The following WFDC9 variants were observed in gnomAD, a reference collection of about 807,000 sequenced individuals.
WFDC9 encodes the protein WAP four-disulfide core domain 9, also known as protein WFDC9.
In WFDC9, 9 loss-of-function variants were observed where a neutral mutation model predicts 9.5. The ratio of observed to expected loss-of-function variants is 0.95; its 90% CI spans 0.57 to 1.65. The LOEUF (loss-of-function observed/expected upper bound fraction) is 1.65. Among genes scored for constraint, WFDC9 ranks in the 40% most tolerant of loss-of-function variants. The pLI is 0.00. For synonymous variants in WFDC9, 33 were observed against 32.3 expected (o/e 1.02, Z -0.07); for missense variants, 87 against 106.7 (o/e 0.82, Z 0.81).
chr20:45,608,885 C>T (rs1385259175), intron 3 of WFDC9, 75 bp from the exon 4 acceptor site: 2 of 1,451,606 alleles, frequency 1.4e-6, no homozygotes, highest in African/African-American at 2.9e-5. Flanking sequence ...TTAACAATCC[C>T]TTCTGAAACT....
At chr20:45,631,039 G>A in intron 1 of WFDC9, 164 bp downstream of exon 1, 1 of 1,568,842 alleles carries the variant, frequency 6.4e-7, no homozygotes, top group Non-Finnish European at 8.6e-7. Flanking sequence ...GGGCTGGGAT[G>A]TGCATCCTGC....
chr20:45,617,588 C>T (rs1435032533), intron 1 of WFDC9, among the ~76,000 whole-genome samples: 1 of 152,120 alleles, frequency 6.6e-6, no homozygotes, highest in Non-Finnish European at 1.5e-5. Context: ...TCAAACTCCC[C>T]GCTCCAAGCG....
In WFDC9 at chr20:45,608,124, T is replaced by A. The variant is rs1327362377; in HGVS notation, c.256A>T (p.Met86Leu). 14 of 1,613,158 alleles carry A rather than the reference T, an allele frequency of 8.7e-6. No homozygotes were observed. The highest frequency in any genetic ancestry group is 1.7e-5 in the Admixed American group (1 of 59,730). ...GCCAATAGAATCTAGGGGTTTAGCA[T>A]TGATTTAAGGGGCTCTCTAGAAGAG... is the stretch of plus-strand genomic sequence containing the variant. ...CLDNEEPLKSMLNP is the reference protein window; with the variant it reads ...CLDNEEPLKSLLNP Residue 86 changes from methionine to leucine, a missense_variant, in exon 5 of 5, where the codon ATG (methionine) becomes TTG (leucine). Coordinates refer to ENST00000326000, the MANE Select transcript of WFDC9 (RefSeq NM_147198.4).
intron 1 of WFDC9, among the ~76,000 whole-genome samples, chr20:45,616,405 C>A (rs570955310): frequency 2.3e-4 from 35 of 152,308 alleles, no homozygotes; most frequent in Middle Eastern, 3.4e-3. Context: ...TTGCTATTTT[C>A]ATCACATTTG....
At chr20:45,616,109 A>C (rs1281014498) in intron 1 of WFDC9, among the ~76,000 whole-genome samples, 1 of 152,192 alleles carries the variant, frequency 6.6e-6, no homozygotes, top group Non-Finnish European at 1.5e-5. Context: ...ATTTCTCCAT[A>C]GCATGCAACG....
At chr20:45,616,647 G>C (rs1981981307) in intron 1 of WFDC9, among the ~76,000 whole-genome samples, 1 of 152,136 alleles carries the variant, frequency 6.6e-6, no homozygotes, top group African/African-American at 2.4e-5. Context: ...AAATAATTTT[G>C]ACTTGAAAGT....
rs774124968 is a variant in WFDC9 at position 45,630,887 on chromosome 20, GA to G, written c.-153+315del. The G allele has an allele frequency of 5.6e-6, 9 of 1,603,290 alleles. No individual in the cohort carries two copies. In the East Asian group the frequency reaches 2.0e-4, roughly 36 times the overall value. On this transcript the variant is annotated intron_variant, in intron 1 of 4. Transcript: ENST00000326000. ...CTTGTCAGAAACACAGCTATCCCCAGAAATCAAAGTCTGCCAGCAGCAGCCT... is the reference window on the plus strand; with the variant it reads ...CTTGTCAGAAACACAGCTATCCCCAGAATCAAAGTCTGCCAGCAGCAGCCT...
intron 1 of WFDC9, among the ~76,000 whole-genome samples, chr20:45,623,149 T>TG (rs1396937533): frequency 6.6e-6 from 1 of 152,112 alleles, no homozygotes; most frequent in Non-Finnish European, 1.5e-5. Flanking sequence ...ATAATGGTCA[T>TG]ACAGTTATTC....
intron 3 of WFDC9, among the ~76,000 whole-genome samples, chr20:45,609,868 A>G (rs182013977): frequency 1.5e-3 from 235 of 152,310 alleles, no homozygotes; most frequent in Non-Finnish European, 2.9e-3. Context: ...AGCTGATGGA[A>G]TATAGACAAA....
At chr20:45,623,011 A>C (rs1171690228) in intron 1 of WFDC9, among the ~76,000 whole-genome samples, 1 of 152,150 alleles carries the variant, frequency 6.6e-6, no homozygotes, top group South Asian at 2.1e-4. Context: ...CTAAGTGTGC[A>C]TGTTTGAGAA....
chr20:45,629,966 T>TC lies in WFDC9; in HGVS notation c.-153+1236dup, dbSNP rs1982317105. The TC allele has an allele frequency of 7.5e-6, 12 of 1,589,494 alleles. No homozygotes were observed. The East Asian group carries it at 2.7e-4, about 36-fold the overall frequency. Reference sequence around the variant, plus strand: ...GGGTAGGGGGAATGGAGGGCCTGTGTCCAGTCTGAGTAGGACCTAGGAGTT... The same window carrying TC: ...GGGTAGGGGGAATGGAGGGCCTGTGTCCCAGTCTGAGTAGGACCTAGGAGTT... On this transcript the variant is annotated intron_variant, in intron 1 of 4. Coordinates refer to ENST00000326000, the MANE Select transcript of WFDC9 (RefSeq NM_147198.4).
chr20:45,625,136 AGAAGGC>A lies in WFDC9; in HGVS notation c.-153+6061_-153+6066del, dbSNP rs570312830. ...GCCTCAGGAGACTTTAAATCATGTC[AGAAGGC>A]GAAGGGGAAGCAAGGCACGTCCTAC... On this transcript the variant is annotated intron_variant, in intron 1 of 4. Coordinates refer to ENST00000326000, the MANE Select transcript of WFDC9 (RefSeq NM_147198.4). Among the ~76,000 whole-genome samples, 20 of 152,326 alleles carry A rather than the reference AGAAGGC, an allele frequency of 1.3e-4. No homozygotes were observed. In the South Asian group the frequency reaches 3.7e-3, roughly 28 times the overall value.
In WFDC9 at chr20:45,608,714, G is replaced by A. The variant is rs1312519943; in HGVS notation, c.188C>T (p.Pro63Leu). 4 of 1,613,896 alleles carry A rather than the reference G, an allele frequency of 2.5e-6. No individual in the cohort carries two copies. Among genetic ancestry groups the A allele is most frequent in the African/African-American group, 1.3e-5 (1 of 74,880 alleles). ...GTAGGTCCAGCAGCATGTATGATTT[G>A]GACGTACACAAGTCATTATTTTAGT... ...RCTKIMTCVR[P>L]NHTCCWTYCG... The change falls in exon 4 of 5, where the codon CCA (proline) becomes CTA (leucine). Residue 63 changes from proline (P) to leucine (L), a missense_variant. Physicochemically the swap from Pro to Leu is moderately conservative, Grantham distance 98. Transcript: ENST00000326000.
intron 2 of WFDC9, among the ~76,000 whole-genome samples, chr20:45,612,649 A>C (rs1159162295): frequency 6.6e-6 from 1 of 152,154 alleles, no homozygotes; most frequent in African/African-American, 2.4e-5. Context: ...GCAATCCAAA[A>C]TCCAGCATTC....
At chr20:45,613,444 A>G (rs1490908547) in intron 2 of WFDC9, among the ~76,000 whole-genome samples, 1 of 152,192 alleles carries the variant, frequency 6.6e-6, no homozygotes, top group Non-Finnish European at 1.5e-5. Context: ...GCTTCTGTGA[A>G]ATTTGGAAGG....
rs569704802 is a variant in WFDC9 at position 45,613,957 on chromosome 20, G to A, written c.-59+671C>T. Among the ~76,000 whole-genome samples the A allele has an allele frequency of 2.0e-5, 3 of 152,232 alleles. No individual in the cohort carries two copies. In the East Asian group the frequency reaches 5.8e-4, roughly 29 times the overall value. Reference sequence around the variant, plus strand: ...TCTGGATTCCTGGTACCAACCCTTTGCATAAAGAAGGAGGAATACTGATAT... The same window carrying A: ...TCTGGATTCCTGGTACCAACCCTTTACATAAAGAAGGAGGAATACTGATAT... On this transcript the variant is annotated intron_variant, in intron 2 of 4. Transcript: ENST00000326000.
intron 2 of WFDC9, among the ~76,000 whole-genome samples, chr20:45,613,203 A>G (rs909852115): frequency 1.3e-5 from 2 of 152,194 alleles, no homozygotes; most frequent in East Asian, 1.9e-4. Flanking sequence ...CCATTTATAC[A>G]TAGGACGATG....
chr20:45,627,668 C>T (rs1044071630), intron 1 of WFDC9, among the ~76,000 whole-genome samples: 1 of 152,180 alleles, frequency 6.6e-6, no homozygotes, highest in Non-Finnish European at 1.5e-5. Context: ...TAGAGAGCTT[C>T]CATGCCCTCC....
intron 1 of WFDC9, among the ~76,000 whole-genome samples, chr20:45,625,785 A>G (rs1175321338): frequency 1.1e-5 from 1 of 92,698 alleles, no homozygotes; most frequent in African/African-American, 4.3e-5. Context: ...CGACGCATGG[A>G]TTTATTTCTA....
Sources: allele counts gnomAD v4.1 joint callset (sites outside exome capture counted in the v4.1 genomes callset), GRCh38; gene constraint gnomAD v4.1.1; transcripts MANE v1.5; gene names NCBI Gene and HGNC (gene_info 2026-07-23, HGNC 2026-07-21).